Variants in KLHL1 observed in about 807,000 individuals in gnomAD.
KLHL1 encodes kelch-like protein 1.
In KLHL1, 47 loss-of-function variants were observed where a neutral mutation model predicts 77.7. The observed-to-expected ratio is 0.60, with a 90% CI of 0.48 to 0.77. The LOEUF is 0.77. KLHL1 is among the 30% of genes least tolerant of loss of function. The probability of loss-of-function intolerance (pLI) is 0.00; values close to 1 mark genes in which losing one functional copy is unlikely to be tolerated. For missense variants in KLHL1, 925 were observed against 910.8 expected (o/e 1.02, Z -0.20); for synonymous variants, 360 against 325.2 (o/e 1.11, Z -1.15).
intron 4 of KLHL1, among the ~76,000 whole-genome samples, chr13:69,931,388 TC>T (rs1332770963): frequency 1.4e-4 from 22 of 151,922 alleles, no homozygotes; most frequent in Non-Finnish European, 2.7e-4. Context: ...AGCTGAAGTT[TC>T]CCTATCATCA....
chr13:69,830,230 A>G (rs1338125080), intron 6 of KLHL1, among the ~76,000 whole-genome samples: 2 of 150,216 alleles, frequency 1.3e-5, no homozygotes, highest in African/African-American at 5.0e-5. Context: ...GACTCACATA[A>G]ATTTAAGGTA....
intron 1 of KLHL1, among the ~76,000 whole-genome samples, chr13:70,096,587 C>T (rs547599123): frequency 6.7e-6 from 1 of 148,162 alleles, no homozygotes; most frequent in African/African-American, 2.5e-5. Context: ...TTTTACTTGT[C>T]TTTTATTTTT....
intron 4 of KLHL1, among the ~76,000 whole-genome samples, chr13:69,927,268 G>A (rs1248144095): frequency 6.6e-6 from 1 of 151,882 alleles, no homozygotes; most frequent in Admixed American, 6.6e-5. Context: ...TTAACTCAAA[G>A]TGAATCAAAG....
At chr13:70,045,773 A>G (rs1011979317) in intron 1 of KLHL1, among the ~76,000 whole-genome samples, 1 of 152,160 alleles carries the variant, frequency 6.6e-6, no homozygotes, top group African/African-American at 2.4e-5. Flanking sequence ...CAAATGTTTC[A>G]CATTAATTCT....
intron 5 of KLHL1, among the ~76,000 whole-genome samples, chr13:69,875,314 T>A (rs1416995456): frequency 2.0e-5 from 3 of 152,122 alleles, no homozygotes; most frequent in African/African-American, 7.2e-5. Flanking sequence ...TGAATATGAC[T>A]AATTTTGTGT....
At chr13:69,864,298 T>C (rs1039387885) in intron 5 of KLHL1, among the ~76,000 whole-genome samples, 1 of 151,862 alleles carries the variant, frequency 6.6e-6, no homozygotes, top group African/African-American at 2.4e-5. Context: ...TAAATTAAAA[T>C]ATTATAAGAA....
At chr13:69,980,805 T>A (rs551953459) in intron 1 of KLHL1, among the ~76,000 whole-genome samples, 4 of 152,162 alleles carry the variant, frequency 2.6e-5, no homozygotes, top group Non-Finnish European at 5.9e-5. Flanking sequence ...CCCTAACATG[T>A]AGTAAATATG....
At chr13:70,064,640 G>A (rs1035085809) in intron 1 of KLHL1, among the ~76,000 whole-genome samples, 8 of 152,010 alleles carry the variant, frequency 5.3e-5, no homozygotes, top group South Asian at 2.1e-4. Flanking sequence ...ATTGCCTACC[G>A]TTGTAGTTGT....
At chr13:69,909,964 A>G (rs913126376) in intron 4 of KLHL1, among the ~76,000 whole-genome samples, 2 of 152,046 alleles carry the variant, frequency 1.3e-5, no homozygotes, top group East Asian at 1.9e-4. Flanking sequence ...TGTTGTTTCT[A>G]AAAGGTTTGG....
intron 7 of KLHL1, among the ~76,000 whole-genome samples, chr13:69,766,002 ACTT>A (rs1178153952): frequency 2.0e-5 from 3 of 152,252 alleles, no homozygotes; most frequent in Non-Finnish European, 2.9e-5. Context: ...AGAACATTAA[ACTT>A]CTTTGCTTTT....
At chr13:70,073,392 A>C (rs1824241248) in intron 1 of KLHL1, among the ~76,000 whole-genome samples, 1 of 151,990 alleles carries the variant, frequency 6.6e-6, no homozygotes, top group South Asian at 2.1e-4. Flanking sequence ...GGAACATCAC[A>C]CACTAGGGCC....
At chr13:70,082,311 T>TCTCACACA (rs1166864536) in intron 1 of KLHL1, among the ~76,000 whole-genome samples, 1 of 110,946 alleles carries the variant, frequency 9.0e-6, no homozygotes, top group South Asian at 3.9e-4. Flanking sequence ...CTTGGACCTG[T>TCTCACACA]CACACACACA....
At chr13:70,063,529 C>A (rs987238855) in intron 1 of KLHL1, among the ~76,000 whole-genome samples, 2 of 151,998 alleles carry the variant, frequency 1.3e-5, no homozygotes, top group Non-Finnish European at 2.9e-5. Flanking sequence ...AAATTATAAT[C>A]TAACACACAT....
intron 4 of KLHL1, among the ~76,000 whole-genome samples, chr13:69,905,338 G>T (rs1053032838): frequency 6.6e-6 from 1 of 152,028 alleles, no homozygotes; most frequent in East Asian, 1.9e-4. Flanking sequence ...TTTAAAAATT[G>T]TATGTCAATA....
At chr13:69,755,987 CCTCA>C (rs1456450252) in intron 7 of KLHL1, among the ~76,000 whole-genome samples, 3 of 152,096 alleles carry the variant, frequency 2.0e-5, no homozygotes, top group African/African-American at 7.2e-5. Context: ...GTCCCAGGGG[CCTCA>C]CTGTTTTTCC....
intron 4 of KLHL1, among the ~76,000 whole-genome samples, chr13:69,884,316 T>C (rs1194180201): frequency 1.3e-5 from 2 of 152,020 alleles, no homozygotes; most frequent in Admixed American, 6.6e-5. Flanking sequence ...TTCCAGGAAA[T>C]TGTTTTGTTC....
chr13:70,092,731 C>T (rs1283368309), intron 1 of KLHL1, among the ~76,000 whole-genome samples: 2 of 152,188 alleles, frequency 1.3e-5, no homozygotes, highest in East Asian at 3.9e-4. Flanking sequence ...AGAGAAATTG[C>T]TCATGTTTTA....
intron 4 of KLHL1, among the ~76,000 whole-genome samples, chr13:69,897,556 A>C (rs534497564): frequency 6.6e-6 from 1 of 152,322 alleles, no homozygotes; most frequent in Non-Finnish European, 1.5e-5. Flanking sequence ...AAATATTATT[A>C]AACCTAGCGA....
At chr13:69,945,599 A>G (rs1296592636) in intron 3 of KLHL1, among the ~76,000 whole-genome samples, 1 of 152,182 alleles carries the variant, frequency 6.6e-6, no homozygotes, top group Non-Finnish European at 1.5e-5. Flanking sequence ...CTAAATTTTT[A>G]AAAAACTGGG....
Sources: allele counts gnomAD v4.1 joint callset (sites outside exome capture counted in the v4.1 genomes callset), GRCh38; gene constraint gnomAD v4.1.1; transcripts MANE v1.5; gene names NCBI Gene and HGNC (gene_info 2026-07-23, HGNC 2026-07-21).